The following NIPBL variants were observed in gnomAD, a reference collection of about 807,000 sequenced individuals.
NIPBL encodes the protein nipped-B-like protein.
Under a neutral mutation model 321.8 loss-of-function variants are expected in NIPBL, and 19 were observed. The observed-to-expected ratio is 0.06, with a 90% CI of 0.04 to 0.09. The LOEUF is 0.09. Among genes scored for constraint, NIPBL ranks in the 10% least tolerant of loss-of-function variants. NIPBL has a pLI of 1.00. For missense variants in NIPBL, 2,210 were observed against 3,327.0 expected, an observed-to-expected ratio of 0.66 and a Z score of 8.26; for synonymous variants, 1,106 against 1,114.1, an observed-to-expected ratio of 0.99 and a Z score of 0.14.
At chr5:36,945,949 G>GATTT (rs1185742557) in intron 1 of NIPBL, among the ~76,000 whole-genome samples, 3 of 151,962 alleles carry the variant, frequency 2.0e-5, no homozygotes, top group Non-Finnish European at 2.9e-5. Flanking sequence ...GTACCACATA[G>GATTT]ATTTATTTAT....
At chr5:36,968,515 G>A (rs185530992) in intron 6 of NIPBL, among the ~76,000 whole-genome samples, 14 of 152,038 alleles carry the variant, frequency 9.2e-5, no homozygotes, top group African/African-American at 3.1e-4. Context: ...CTTGCAGTGA[G>A]CCGAGATCGC....
rs1743111371 is a variant in NIPBL, at chr5:36,973,518, A to AGTGC, written c.868+1478_868+1481dup. Among the ~76,000 whole-genome samples the AGTGC allele has an allele frequency of 2.6e-5, 4 of 152,048 alleles. No individual in the cohort carries two copies. In the South Asian group the frequency reaches 8.3e-4, roughly 32 times the overall value. On this transcript the variant is annotated intron_variant, in intron 8 of 46. Transcript: ENST00000282516. ...AGTCTCGCACTGTCACCCAGGCTGG[A>AGTGC]GTGCAGTGGCATGATCTCGGCTCAC... is the stretch of plus-strand genomic sequence containing the variant.
chr5:36,886,316 T>C, intron 1 of NIPBL: 1 of 684,628 alleles, frequency 1.5e-6, no homozygotes, highest in Middle Eastern at 4.0e-4. Flanking sequence ...AACATCAAGG[T>C]CAAGCTGGAG....
intron 1 of NIPBL, among the ~76,000 whole-genome samples, chr5:36,933,016 TAG>T (rs1245492309): frequency 6.6e-6 from 1 of 152,044 alleles, no homozygotes; most frequent in Non-Finnish European, 1.5e-5. Flanking sequence ...AACAACTTTT[TAG>T]AGTTATTTCC....
chr5:36,981,159 G>A (rs907798899), intron 9 of NIPBL, among the ~76,000 whole-genome samples: 2 of 151,654 alleles, frequency 1.3e-5, no homozygotes, highest in African/African-American at 4.8e-5. Context: ...ATATGGAGCA[G>A]GCAGGACTAT....
At chr5:37,002,804 G>A (rs779354905) in intron 15 of NIPBL, 39 bp downstream of exon 15, 4 of 1,127,400 alleles carry the variant, frequency 3.5e-6, no homozygotes, top group African/African-American at 3.1e-5. Context: ...TTACTTCATA[G>A]AAACATTTGA....
At chr5:37,048,755 AT>A (rs1232092625) in intron 39 of NIPBL, 80 bp downstream of exon 39, 1 of 1,175,910 alleles carries the variant, frequency 8.5e-7, no homozygotes, top group African/African-American at 1.6e-5. Flanking sequence ...AAATATCTAA[AT>A]TTCCTTATTT....
chr5:36,985,192 C>G lies in NIPBL; in HGVS notation c.2012C>G (p.Pro671Arg). Residue 671 changes from proline (P) to arginine (R), a missense_variant, in exon 10 of 47, where the codon CCT becomes CGT. This residue lies in a region of NIPBL where 588 missense variants were observed against 564.1 expected (regional missense o/e 1.04). Transcript: ENST00000282516. ...CKQNESTIVE[P>R]KQNENRLSDT... ...CAAAACGAGAGCACCATAGTTGAGC[C>G]TAAACAAAATGAAAATAGACTGTCT... is the stretch of plus-strand genomic sequence containing the variant. 6.2e-7 allele frequency: 1 copy of G among 1,613,712 alleles called. No individual in the cohort carries two copies.
At chr5:37,057,125 T>G in intron 42 of NIPBL, 61 bp from the exon 43 acceptor site, 2 of 1,588,562 alleles carry the variant, frequency 1.3e-6, no homozygotes, top group South Asian at 1.1e-5. Flanking sequence ...CTAAAAAAGG[T>G]TTTTTGGTTG....
chr5:36,895,865 A>G (rs1218615692), intron 1 of NIPBL, among the ~76,000 whole-genome samples: 3 of 152,226 alleles, frequency 2.0e-5, no homozygotes, highest in Admixed American at 1.3e-4. Context: ...CAAGTTCCTT[A>G]TCAGATACGT....
In NIPBL at chr5:37,059,201, C is replaced by T. The variant is rs180955528; in HGVS notation, c.7685+36C>T. 8.8e-5 allele frequency: 142 copies of T among 1,607,762 alleles called. No homozygotes were observed. The African/African-American group carries it at 1.5e-3, about 17-fold the overall frequency. On this transcript the variant is annotated intron_variant, in intron 44 of 46. Transcript: ENST00000282516. ...ATAAGCAGTGAGAGAAAAAACTTCA[C>T]TCTGTTCAAATAATAAATATTTGGG...
In NIPBL at chr5:37,052,574, CA is replaced by C. The variant is rs1294290209; in HGVS notation, c.7263+13del. On this transcript the variant is annotated intron_variant, in intron 42 of 46. Coordinates refer to ENST00000282516, the MANE Select transcript of NIPBL (RefSeq NM_133433.4). ...CTCTTTGATGACACAGCAGTAAGCA[CA>C]AAAACTTATTATTTTAAGAAAATAA... 11 of 1,609,728 alleles carry C rather than the reference CA, an allele frequency of 6.8e-6. No homozygotes were observed. Among genetic ancestry groups the C allele is most frequent in the Admixed American group, 1.7e-5 (1 of 59,942 alleles).
At chr5:37,042,812 C>T (rs1173494378) in intron 34 of NIPBL, among the ~76,000 whole-genome samples, 2 of 145,276 alleles carry the variant, frequency 1.4e-5, no homozygotes, top group East Asian at 2.0e-4. Context: ...GATGACAGAG[C>T]GAGACTCCGT....
chr5:36,981,862 G>T (rs1744182505), intron 9 of NIPBL, among the ~76,000 whole-genome samples: 2 of 151,740 alleles, frequency 1.3e-5, no homozygotes, highest in Non-Finnish European at 3.0e-5. Flanking sequence ...TGGAATAAGA[G>T]ACCGGGATTT....
At chr5:36,980,553 A>C (rs1744021902) in intron 9 of NIPBL, among the ~76,000 whole-genome samples, 1 of 151,668 alleles carries the variant, frequency 6.6e-6, no homozygotes, top group African/African-American at 2.4e-5. Context: ...TTAGATACAC[A>C]GATGCTTACC....
At chr5:36,891,442 G>A (rs867516785) in intron 1 of NIPBL, among the ~76,000 whole-genome samples, 1 of 152,156 alleles carries the variant, frequency 6.6e-6, no homozygotes, top group African/African-American at 2.4e-5. Flanking sequence ...GACTAGTGTG[G>A]TGAGGCGCAG....
chr5:37,000,030 A>G (rs1746606744), intron 11 of NIPBL, among the ~76,000 whole-genome samples: 1 of 152,198 alleles, frequency 6.6e-6, no homozygotes, highest in Admixed American at 6.6e-5. Context: ...AGTTTGTTTT[A>G]CAGCCTCAAT....
At chr5:36,980,114 A>G (rs1336964734) in intron 9 of NIPBL, among the ~76,000 whole-genome samples, 1 of 151,776 alleles carries the variant, frequency 6.6e-6, no homozygotes, top group Non-Finnish European at 1.5e-5. Flanking sequence ...CTAATTGCAT[A>G]TTAGCAAACT....
chr5:36,943,957 A>G (rs567488680), intron 1 of NIPBL, among the ~76,000 whole-genome samples: 49 of 152,142 alleles, frequency 3.2e-4, no homozygotes, highest in Non-Finnish European at 6.2e-4. Flanking sequence ...GTGGCAAGAT[A>G]TTTGGTGGAA....
Sources: allele counts gnomAD v4.1 joint callset (sites outside exome capture counted in the v4.1 genomes callset), GRCh38; gene constraint gnomAD v4.1.1; regional missense constraint gnomAD v4.1.1; transcripts MANE v1.5; gene names NCBI Gene and HGNC (gene_info 2026-07-23, HGNC 2026-07-21).